Variants in NRG1 observed in about 807,000 individuals in gnomAD.
The protein encoded by NRG1 is neuregulin 1.
In NRG1, 18 loss-of-function variants were observed where a neutral mutation model predicts 63.8. The observed-to-expected ratio is 0.28, with a 90% confidence interval of 0.19 to 0.42. The LOEUF (loss-of-function observed/expected upper bound fraction) is 0.42. NRG1 is among the 10% of genes least tolerant of loss of function. NRG1 has a pLI of 1.00. For synonymous variants in NRG1, 302 were observed against 301.3 expected, an observed-to-expected ratio of 1.00 and a Z score of -0.02; for missense variants, 762 against 814.7, an observed-to-expected ratio of 0.94 and a Z score of 0.79.
chr8:32,354,200 C>G (rs1391939597), intron 1 of NRG1, among the ~76,000 whole-genome samples: 2 of 152,022 alleles, frequency 1.3e-5, no homozygotes, highest in African/African-American at 4.8e-5. Flanking sequence ...AAAACCCCGT[C>G]TCTACTAAAA....
intron 5 of NRG1, among the ~76,000 whole-genome samples, chr8:32,708,589 T>C (rs1043160652): frequency 6.6e-6 from 1 of 152,244 alleles, no homozygotes; most frequent in Non-Finnish European, 1.5e-5. Context: ...CTGTAGGGTC[T>C]TGGCAAACTC....
At chr8:32,448,680 C>G (rs1269430649) in intron 1 of NRG1, among the ~76,000 whole-genome samples, 4 of 151,220 alleles carry the variant, frequency 2.6e-5, no homozygotes, top group Admixed American at 2.6e-4. Flanking sequence ...ATTTTTTTTT[C>G]TGTGTAAACA....
chr8:32,229,936 A>T (rs2132574392), intron 1 of NRG1, among the ~76,000 whole-genome samples: 1 of 152,180 alleles, frequency 6.6e-6, no homozygotes, highest in African/African-American at 2.4e-5. Flanking sequence ...CCCCAGAACA[A>T]TCTTCAAGAC....
intron 1 of NRG1, among the ~76,000 whole-genome samples, chr8:32,221,322 G>C (rs970233389): frequency 3.3e-5 from 5 of 152,214 alleles, no homozygotes; most frequent in African/African-American, 1.2e-4. Flanking sequence ...TACCTGTCTT[G>C]ATGCACGGTG....
intron 1 of NRG1, among the ~76,000 whole-genome samples, chr8:31,963,609 G>A (rs933574478): frequency 2.6e-5 from 4 of 152,136 alleles, no homozygotes; most frequent in African/African-American, 9.7e-5. Flanking sequence ...AAAATAAGGT[G>A]AGCCTATTTC....
intron 5 of NRG1, among the ~76,000 whole-genome samples, chr8:32,693,753 C>T (rs946241133): frequency 2.6e-5 from 4 of 152,104 alleles, no homozygotes; most frequent in African/African-American, 7.2e-5. Flanking sequence ...GTTTTCATTT[C>T]CTTCCTCTGA....
chr8:32,516,191 A>C (rs2129503802), intron 1 of NRG1, among the ~76,000 whole-genome samples: 1 of 152,026 alleles, frequency 6.6e-6, no homozygotes, highest in South Asian at 2.1e-4. Flanking sequence ...ATTTTTGTCG[A>C]CTTTGTCAAA....
At chr8:32,075,800 G>A (rs1422633444) in intron 1 of NRG1, among the ~76,000 whole-genome samples, 4 of 152,078 alleles carry the variant, frequency 2.6e-5, no homozygotes, top group Non-Finnish European at 5.9e-5. Flanking sequence ...CAGCCCCCAA[G>A]TAGCTGGGAT....
intron 1 of NRG1, among the ~76,000 whole-genome samples, chr8:32,120,621 A>G (rs1833320782): frequency 6.6e-6 from 1 of 152,042 alleles, no homozygotes; most frequent in African/African-American, 2.4e-5. Context: ...CTCTAGAAAG[A>G]AGTTTTTTTT....
chr8:32,082,559 A>AGCAT (rs1827630937), intron 1 of NRG1, among the ~76,000 whole-genome samples: 1 of 152,278 alleles, frequency 6.6e-6, no homozygotes, highest in African/African-American at 2.4e-5. Context: ...ACTACCCTTG[A>AGCAT]GCATGCCTCT....
intron 1 of NRG1, among the ~76,000 whole-genome samples, chr8:31,667,139 T>A (rs1300776036): frequency 6.6e-6 from 1 of 152,204 alleles, no homozygotes; most frequent in African/African-American, 2.4e-5. Flanking sequence ...TGCCAGTTGA[T>A]GATTGTTATT....
At position 32,663,203 on chromosome 8, in the gene NRG1, C is replaced by T. The variant is rs548635689; in HGVS notation, c.502+46318C>T. On this transcript the variant is annotated intron_variant, in intron 5 of 11. Transcript: ENST00000356819. Reference sequence around the variant, plus strand: ...GTTCAGTTTATCTAAAGCATATTGCCCCATCCCTCTCAGCTCACTTTCAGT... The same window carrying T: ...GTTCAGTTTATCTAAAGCATATTGCTCCATCCCTCTCAGCTCACTTTCAGT... 2.3e-4 allele frequency among the ~76,000 whole-genome samples: 35 copies of T among 152,194 alleles called. 1 individual carries two copies. In the South Asian group the frequency reaches 6.8e-3, roughly 30 times the overall value.
intron 1 of NRG1, among the ~76,000 whole-genome samples, chr8:32,333,757 C>T (rs1802923997): frequency 6.6e-6 from 1 of 152,134 alleles, no homozygotes; most frequent in South Asian, 2.1e-4. Context: ...TTTACAGATA[C>T]CTTGTGCTTT....
At chr8:31,704,236 T>C (rs1260806765) in intron 1 of NRG1, among the ~76,000 whole-genome samples, 1 of 152,212 alleles carries the variant, frequency 6.6e-6, no homozygotes, top group African/African-American at 2.4e-5. Flanking sequence ...AGCTTAAAAC[T>C]CTAAAATTTA....
chr8:31,954,730 G>C (rs1263097628), intron 1 of NRG1, among the ~76,000 whole-genome samples: 3 of 152,132 alleles, frequency 2.0e-5, no homozygotes, highest in Non-Finnish European at 4.4e-5. Flanking sequence ...GAGTACTCTT[G>C]TAACATCTCT....
Position 31,656,021 on chromosome 8 carries a change from G to T in NRG1, c.37+16590G>T, listed in dbSNP as rs79819251. Reference sequence around the variant, plus strand: ...GGAAATACCAAGGAAGCATGTGCTTGTTTGGAGCTGGAGGTCAGAAGAGAA... The same window carrying T: ...GGAAATACCAAGGAAGCATGTGCTTTTTTGGAGCTGGAGGTCAGAAGAGAA... On this transcript the variant is annotated intron_variant, in intron 1 of 10. Coordinates refer to the NRG1 transcript ENST00000519301. 5.9e-3 allele frequency among the ~76,000 whole-genome samples: 893 copies of T among 152,336 alleles called. 11 individuals are homozygous for T. The highest frequency in any genetic ancestry group is 0.021 in the African/African-American group (863 of 41,580).
At chr8:31,810,363 C>A (rs1281471485) in intron 1 of NRG1, among the ~76,000 whole-genome samples, 1 of 152,154 alleles carries the variant, frequency 6.6e-6, no homozygotes, top group African/African-American at 2.4e-5. Context: ...AACAATAACA[C>A]CCCTTATAAT....
intron 1 of NRG1, among the ~76,000 whole-genome samples, chr8:32,389,167 A>G (rs1233366130): frequency 6.6e-6 from 1 of 152,182 alleles, no homozygotes; most frequent in African/African-American, 2.4e-5. Context: ...TTGAAGAGTC[A>G]CAGGTCCCAG....
chr8:31,832,751 C>T (rs908598929), intron 1 of NRG1, among the ~76,000 whole-genome samples: 2 of 152,152 alleles, frequency 1.3e-5, no homozygotes, highest in African/African-American at 4.8e-5. Flanking sequence ...AGGCTATCAT[C>T]GCAATGAAAT....
Sources: allele counts gnomAD v4.1 joint callset (sites outside exome capture counted in the v4.1 genomes callset), GRCh38; gene constraint gnomAD v4.1.1; transcripts MANE v1.5; gene names NCBI Gene and HGNC (gene_info 2026-07-23, HGNC 2026-07-21).